Variants in VIT observed in about 807,000 individuals in gnomAD.
The protein encoded by VIT is vitrin.
Under a neutral mutation model 78.0 loss-of-function variants are expected in VIT, and 99 were observed. The observed-to-expected ratio is 1.27, with a 90% CI of 1.08 to 1.50. The LOEUF is 1.50. VIT is among the 40% of genes most tolerant of loss of function. The probability of loss-of-function intolerance (pLI) is 0.00; values close to 1 mark genes in which losing one functional copy is unlikely to be tolerated. For missense variants in VIT, 1,126 were observed against 875.3 expected (o/e 1.29, Z -3.61); for synonymous variants, 374 against 334.3 (o/e 1.12, Z -1.29).
At chr2:36,716,207 T>C (rs1268446421) in intron 1 of VIT, 146 bp from the exon 2 acceptor site, 5 of 569,882 alleles carry the variant, frequency 8.8e-6, no homozygotes, top group Non-Finnish European at 1.5e-5. Context: ...GACATCTCTA[T>C]GTGCTGCTTA....
Position 36,743,155 on chromosome 2 carries a change from C to A in VIT, c.174C>A (p.Phe58Leu), listed in dbSNP as rs757392189. ...VKAGKIIDPEFIVKCPAGCQD... is the reference protein window; with the variant it reads ...VKAGKIIDPELIVKCPAGCQD... Reference sequence around the variant, plus strand: ...CCGGAAAGATCATCGATCCTGAGTTCATTGTGAAATGTCCAGCAGGATGCC... The same window carrying A: ...CCGGAAAGATCATCGATCCTGAGTTAATTGTGAAATGTCCAGCAGGATGCC... Residue 58 changes from phenylalanine (F) to leucine (L), a missense_variant, in exon 4 of 16, where the codon TTC becomes TTA. Coordinates refer to ENST00000379242, the MANE Select transcript of VIT (RefSeq NM_053276.4). 2.3e-5 allele frequency: 37 copies of A among 1,613,908 alleles called. No individual in the cohort carries two copies. The highest frequency in any genetic ancestry group is 3.0e-5 in the Non-Finnish European group (35 of 1,179,942).
In VIT at chr2:36,780,723, T is replaced by C. The variant is rs74540266; in HGVS notation, c.803-1004T>C. ...CACCCTTTTTTCAGTGTGTTAGTAA[T>C]TTCAGCTGGCAGAAAAGCTGATAGC... is the stretch of plus-strand genomic sequence containing the variant. On this transcript the variant is annotated intron_variant, in intron 9 of 15. Transcript: ENST00000379242. 8.2e-3 allele frequency among the ~76,000 whole-genome samples: 1,249 copies of C among 152,258 alleles called. 20 individuals carry two copies. The highest frequency in any genetic ancestry group is 0.029 in the African/African-American group (1,189 of 41,548).
chr2:36,766,481 T>A (rs949019556), intron 6 of VIT, among the ~76,000 whole-genome samples: 15 of 152,138 alleles, frequency 9.9e-5, no homozygotes, highest in African/African-American at 3.1e-4. Flanking sequence ...CAGTGAGCTA[T>A]AATTGTGCCA....
intron 4 of VIT, among the ~76,000 whole-genome samples, chr2:36,751,220 A>G (rs112182481): frequency 0.027 from 4,067 of 152,262 alleles, 181 homozygotes; most frequent in African/African-American, 0.092. Flanking sequence ...ACCTGGTGAA[A>G]CCCCATCTCT....
chr2:36,802,016 C>T (rs1666368838), intron 13 of VIT, among the ~76,000 whole-genome samples: 1 of 152,086 alleles, frequency 6.6e-6, no homozygotes, highest in Non-Finnish European at 1.5e-5. Flanking sequence ...TAAGGAAGCC[C>T]CTCAGTGCCC....
chr2:36,796,638 G>C (rs1292869671), intron 12 of VIT, among the ~76,000 whole-genome samples: 1 of 151,106 alleles, frequency 6.6e-6, no homozygotes, highest in East Asian at 1.9e-4. Context: ...TTTTTTTTTA[G>C]TTTTTTGTTG....
chr2:36,700,881 T>C (rs1665012170), intron 1 of VIT, among the ~76,000 whole-genome samples: 1 of 152,078 alleles, frequency 6.6e-6, no homozygotes, highest in Non-Finnish European at 1.5e-5. Context: ...ATCACCATTA[T>C]ACAGATGAAA....
intron 15 of VIT, among the ~76,000 whole-genome samples, chr2:36,811,724 G>T (rs1356727296): frequency 6.7e-6 from 1 of 149,652 alleles, no homozygotes; most frequent in Non-Finnish European, 1.5e-5. Context: ...CCAGGCTGGA[G>T]TGCAATGGCA....
Position 36,805,606 on chromosome 2 carries a change from T to A in VIT, c.1331T>A (p.Ile444Asn), listed in dbSNP as rs1232125013. ...GGAATCAACATTTTCTTCATCACCATTGAAGGTGCTGCTGAAAATGAGAAG... is the reference window on the plus strand; with the variant it reads ...GGAATCAACATTTTCTTCATCACCAATGAAGGTGCTGCTGAAAATGAGAAG... Reference protein sequence around the residue: ...ESGINIFFITIEGAAENEKQY... With the variant: ...ESGINIFFITNEGAAENEKQY... The change falls in exon 14 of 16, where the codon ATT becomes AAT. Residue 444 changes from isoleucine (I) to asparagine (N), a missense_variant. Physicochemically the swap from Ile to Asn is moderately radical, Grantham distance 149. Transcript: ENST00000379242. 6.2e-7 allele frequency: 1 copy of A among 1,614,070 alleles called. No individual in the cohort carries two copies. Among genetic ancestry groups the A allele is most frequent in the East Asian group, 2.2e-5 (1 of 44,866 alleles).
chr2:36,781,697 A>C (rs1467852300), intron 9 of VIT, 30 bp from the exon 10 acceptor site: 1 of 1,613,682 alleles, frequency 6.2e-7, no homozygotes, highest in South Asian at 1.1e-5. Context: ...TTAAGTAACA[A>C]GTTTGTTTCT....
At chr2:36,699,566 G>A (rs1664897065) in intron 1 of VIT, among the ~76,000 whole-genome samples, 1 of 147,188 alleles carries the variant, frequency 6.8e-6, no homozygotes, top group African/African-American at 2.5e-5. Context: ...ATATTCTTCA[G>A]AAGATGATTA....
chr2:36,812,068 C>T (rs547727963), intron 15 of VIT, among the ~76,000 whole-genome samples: 2 of 152,332 alleles, frequency 1.3e-5, no homozygotes, highest in Admixed American at 6.5e-5. Flanking sequence ...TGTCTAAACC[C>T]AGCTCTGCAG....
chr2:36,799,528 G>T (rs1254302170), intron 12 of VIT, among the ~76,000 whole-genome samples: 1 of 151,986 alleles, frequency 6.6e-6, no homozygotes, highest in African/African-American at 2.4e-5. Flanking sequence ...ACCAGCCAGG[G>T]GCAACATAGC....
chr2:36,805,332 G>T, intron 13 of VIT, 106 bp from the exon 14 acceptor site: 1 of 1,099,360 alleles, frequency 9.1e-7, no homozygotes, highest in African/African-American at 1.6e-5. Flanking sequence ...AAAAAACTAG[G>T]GAGGGAATGA....
chr2:36,734,665 G>T (rs577724574), intron 3 of VIT, among the ~76,000 whole-genome samples: 1 of 152,276 alleles, frequency 6.6e-6, no homozygotes, highest in Admixed American at 6.5e-5. Context: ...CATCTATTCT[G>T]CCTACTCATG....
intron 6 of VIT, 28 bp from the exon 7 acceptor site, chr2:36,767,066 G>C (rs1380679691): frequency 1.3e-6 from 2 of 1,540,592 alleles, no homozygotes; most frequent in Admixed American, 4.1e-5. Flanking sequence ...TATTTTGTGG[G>C]CCTTGGTATA....
chr2:36,787,142 C>T lies in VIT; in HGVS notation c.924C>T (p.Asp308=), dbSNP rs1469157213. The T allele has an allele frequency of 1.2e-6, 2 of 1,614,152 alleles. No homozygotes were observed. The highest frequency in any genetic ancestry group is 1.7e-6 in the Non-Finnish European group (2 of 1,180,030). ...TCCGTTCCGCAGACTGCAAAATTGA[C>T]TTGTCGTTTTTAATTGATGGGAGCA... is the stretch of plus-strand genomic sequence containing the variant. ...VSLGDPNCKI[D]LSFLIDGSTS... is the part of the protein sequence containing the mutation. Residue 308 remains aspartate, a synonymous_variant, in exon 12 of 16, where the codon GAC becomes GAT. Coordinates refer to ENST00000379242, the MANE Select transcript of VIT (RefSeq NM_053276.4).
At chr2:36,794,678 A>C (rs1436143518) in intron 12 of VIT, among the ~76,000 whole-genome samples, 1 of 152,178 alleles carries the variant, frequency 6.6e-6, no homozygotes, top group Non-Finnish European at 1.5e-5. Flanking sequence ...GTTTGCCTTT[A>C]ATTCCCTTGG....
At chr2:36,745,557 T>G (rs909151997) in intron 4 of VIT, among the ~76,000 whole-genome samples, 1 of 152,192 alleles carries the variant, frequency 6.6e-6, no homozygotes, top group Non-Finnish European at 1.5e-5. Context: ...CCAAAGCATT[T>G]TCTTCTTCTT....
Sources: gnomAD v4.1 joint callset for allele counts (sites outside exome capture counted in the v4.1 genomes callset) on GRCh38, gnomAD v4.1.1 for gene constraint, MANE v1.5 for transcripts, NCBI Gene and HGNC (gene_info 2026-07-23, HGNC 2026-07-21) for gene names.